ZNF654: variants seen among roughly 807,000 people sequenced by gnomAD.
ZNF654 encodes zinc finger protein 654, also known as melanoma-associated antigen.
ZNF654 carries 19 observed loss-of-function variants against 95.3 expected under a neutral mutation model. That is an observed-to-expected ratio of 0.20 (90% CI 0.14 to 0.29). ZNF654 has a LOEUF of 0.29. Ranked by LOEUF, ZNF654 falls within the 10% of genes least tolerant of loss-of-function variation. The pLI, the probability that ZNF654 is intolerant of heterozygous loss-of-function variation, is 1.00. For missense variants in ZNF654, 1,046 were observed against 1,341.0 expected (o/e 0.78, Z 3.44); for synonymous variants, 413 against 457.9 (o/e 0.90, Z 1.25).
At chr3:88,070,199 C>A (rs1266766737) in intron 1 of ZNF654, among the ~76,000 whole-genome samples, 1 of 152,110 alleles carries the variant, frequency 6.6e-6, no homozygotes, top group African/African-American at 2.4e-5. Flanking sequence ...ATAGCATTCA[C>A]TTCTGAGGAA....
chr3:88,124,128 A>C (rs549890219), intron 3 of ZNF654, among the ~76,000 whole-genome samples: 1 of 152,354 alleles, frequency 6.6e-6, no homozygotes, highest in South Asian at 2.1e-4. Flanking sequence ...GAACTGTTAA[A>C]ATACTAGAAG....
chr3:88,090,986 A>G (rs182674473), intron 2 of ZNF654, among the ~76,000 whole-genome samples: 21 of 152,320 alleles, frequency 1.4e-4, no homozygotes, highest in Admixed American at 2.0e-4. Flanking sequence ...GTTTTATGCT[A>G]TATTTTTACT....
At chr3:88,131,411 G>T (rs1290868103) in intron 6 of ZNF654, among the ~76,000 whole-genome samples, 1 of 152,092 alleles carries the variant, frequency 6.6e-6, no homozygotes. Context: ...TTTCCTATGG[G>T]AATAGAAATG....
intron 1 of ZNF654, among the ~76,000 whole-genome samples, chr3:88,065,481 C>T (rs985027371): frequency 2.7e-4 from 41 of 152,102 alleles, no homozygotes; most frequent in African/African-American, 9.6e-4. Context: ...TTTATTCATA[C>T]GAGAAACTGT....
intron 2 of ZNF654, among the ~76,000 whole-genome samples, chr3:88,099,783 G>A (rs544516355): frequency 6.6e-4 from 100 of 152,304 alleles, no homozygotes; most frequent in African/African-American, 2.3e-3. Flanking sequence ...GTAGAAAGCT[G>A]AAAATGGGTC....
intron 3 of ZNF654, among the ~76,000 whole-genome samples, chr3:88,124,511 A>G (rs1705964927): frequency 6.6e-6 from 1 of 152,256 alleles, no homozygotes; most frequent in African/African-American, 2.4e-5. Flanking sequence ...TTAACCAGGA[A>G]TGCAACGTGG....
In ZNF654 at chr3:88,141,959, C is replaced by T. The variant is rs1707154074; in HGVS notation, c.*307C>T. 4.1e-6 allele frequency: 1 copy of T among 243,162 alleles called. No individual in the cohort carries two copies. Among genetic ancestry groups the T allele is most frequent in the Non-Finnish European group, 7.9e-6 (1 of 127,304 alleles). The allele number at this position is 243,162 out of a possible 1,614,324, so 15.1% of individuals were successfully genotyped here. A position where few individuals can be genotyped will look rare whatever the true frequency, so the allele number is the denominator to read the frequency against. On this transcript the variant is annotated 3_prime_UTR_variant, in exon 9 of 9. Transcript: ENST00000636215. ...TGAGAAACATGTTTAGGCAACTAGT[C>T]AGAAAACCAGCTATGGCCTTACAGA...
At chr3:88,107,182 C>T (rs1306375340) in intron 2 of ZNF654, among the ~76,000 whole-genome samples, 1 of 152,132 alleles carries the variant, frequency 6.6e-6, no homozygotes, top group Non-Finnish European at 1.5e-5. Flanking sequence ...GAGGTATACA[C>T]TTTATATACT....
intron 7 of ZNF654, among the ~76,000 whole-genome samples, chr3:88,137,906 TA>T (rs1706895042): frequency 6.6e-6 from 1 of 152,094 alleles, no homozygotes; most frequent in African/African-American, 2.4e-5. Flanking sequence ...TATATACATA[TA>T]TATGATGTTA....
chr3:88,119,470 A>G (rs2107793604), intron 3 of ZNF654, among the ~76,000 whole-genome samples: 1 of 150,106 alleles, frequency 6.7e-6, no homozygotes, highest in Middle Eastern at 3.4e-3. Context: ...TGTGCGCACC[A>G]GCATGGCACA....
At position 88,061,683 on chromosome 3, in the gene ZNF654, T is replaced by G. The variant is rs60995727; in HGVS notation, c.186+2178T>G. Among the ~76,000 whole-genome samples the G allele has an allele frequency of 3.0e-3, 462 of 152,306 alleles. 3 individuals are homozygous for G. The highest frequency in any genetic ancestry group is 0.011 in the African/African-American group (444 of 41,574). On this transcript the variant is annotated intron_variant, in intron 1 of 8. Transcript: ENST00000636215. ...ACTGAGAAATAAAATTCTACCATAG[T>G]AATTGCTTCATTCGTCAGTAAGGGA...
intron 1 of ZNF654, among the ~76,000 whole-genome samples, chr3:88,060,456 A>AT (rs1706808124): frequency 6.6e-6 from 1 of 152,192 alleles, no homozygotes; most frequent in South Asian, 2.1e-4. Context: ...ATTCACAACA[A>AT]TCTTTTTTTG....
chr3:88,122,716 T>G (rs1705842685), intron 3 of ZNF654, among the ~76,000 whole-genome samples: 1 of 151,898 alleles, frequency 6.6e-6, no homozygotes, highest in South Asian at 2.1e-4. Context: ...TCTAGAAAAA[T>G]ACAATATGTA....
intron 2 of ZNF654, among the ~76,000 whole-genome samples, chr3:88,101,240 T>G (rs1226559144): frequency 6.6e-6 from 1 of 152,176 alleles, no homozygotes; most frequent in Non-Finnish European, 1.5e-5. Context: ...TTCATTTTCA[T>G]TACCCCAGAA....
intron 2 of ZNF654, among the ~76,000 whole-genome samples, chr3:88,099,592 A>G (rs1704281476): frequency 6.6e-6 from 1 of 152,182 alleles, no homozygotes; most frequent in Admixed American, 6.5e-5. Flanking sequence ...AGGCTACAGT[A>G]ACCAAAACAG....
chr3:88,071,584 T>C (rs1364938460), intron 1 of ZNF654, among the ~76,000 whole-genome samples: 3 of 152,116 alleles, frequency 2.0e-5, no homozygotes, highest in African/African-American at 2.4e-5. Context: ...TGCAGTGAGC[T>C]GAGATCGCGC....
chr3:88,129,773 C>G lies in ZNF654; in HGVS notation c.840C>G (p.Leu280=). The G allele has an allele frequency of 6.5e-7, 1 of 1,527,822 alleles. No homozygotes were observed. The highest frequency in any genetic ancestry group is 8.8e-7 in the Non-Finnish European group (1 of 1,141,234). The allele number at this position is 1,527,822 out of a possible 1,614,324, so 94.6% of individuals were successfully genotyped here. Residue 280 remains leucine, a synonymous_variant, in exon 6 of 9, where the codon CTC becomes CTG. Coordinates refer to ENST00000636215, the MANE Select transcript of ZNF654 (RefSeq NM_001350134.2). ...GCAAAACTATGTTAGCCTTGCAACT[C>G]TGTGAATCCTTTCTTATTCCACAGC... ...KEGKTMLALQ[L]CESFLIPQLQ...
intron 2 of ZNF654, among the ~76,000 whole-genome samples, chr3:88,098,946 A>G (rs1453709304): frequency 6.6e-6 from 1 of 152,232 alleles, no homozygotes; most frequent in African/African-American, 2.4e-5. Flanking sequence ...GCCCTCTGTC[A>G]CTACTTCTAT....
rs1370951223 is a variant in ZNF654 at position 88,143,930 on chromosome 3, T to A, written c.*2278T>A. 2.0e-5 allele frequency: 3 copies of A among 152,132 alleles called. No individual in the cohort carries two copies. The highest frequency in any genetic ancestry group is 4.4e-5 in the Non-Finnish European group (3 of 67,814). The allele number at this position is 152,132 out of a possible 1,614,324, so 9.4% of individuals were successfully genotyped here. ...CATCATTTTGCTTTTATAGGGTGCA[T>A]AAACTTCCAACAGTTCTAATTTGAG... On this transcript the variant is annotated 3_prime_UTR_variant, in exon 9 of 9. Coordinates refer to ENST00000636215, the MANE Select transcript of ZNF654 (RefSeq NM_001350134.2).
Sources: gnomAD v4.1 joint callset for allele counts (sites outside exome capture counted in the v4.1 genomes callset) on GRCh38, gnomAD v4.1.1 for gene constraint, MANE v1.5 for transcripts, NCBI Gene and HGNC (gene_info 2026-07-23, HGNC 2026-07-21) for gene names.